The following RADX variants were observed in gnomAD, a reference collection of about 807,000 sequenced individuals.
RADX encodes RPA1 related single stranded DNA binding protein, X-linked, also known as RPA-related protein RADX.
A neutral mutation model predicts 61.6 loss-of-function variants in RADX; 36 were observed. The ratio of observed to expected loss-of-function variants is 0.58; its 90% CI spans 0.45 to 0.77. The LOEUF is 0.77. Ranked by LOEUF, RADX falls within the 30% of genes least tolerant of loss-of-function variation. The pLI, the probability that RADX is intolerant of heterozygous loss-of-function variation, is 0.00. For missense variants in RADX, 497 were observed against 651.1 expected (o/e 0.76, Z 2.58); for synonymous variants, 272 against 237.9 (o/e 1.14, Z -1.32).
intron 12 of RADX, among the ~76,000 whole-genome samples, 177 bp from the exon 13 acceptor site, chrX:106,668,986 A>G (rs774393108): frequency 4.5e-5 from 5 of 112,133 alleles, no homozygotes; most frequent in Non-Finnish European, 9.4e-5. Flanking sequence ...TACTCTTTCA[A>G]CAAATACCAT....
At chrX:106,669,944 T>C (rs757111085) in intron 13 of RADX, among the ~76,000 whole-genome samples, 27 of 111,978 alleles carry the variant, frequency 2.4e-4, no homozygotes, top group Admixed American at 1.6e-3. Context: ...TAATTCCTAA[T>C]CATGTGGTAA....
At chrX:106,662,368 C>T (rs1928122860) in intron 12 of RADX, 63 bp downstream of exon 12, 9 of 1,037,214 alleles carry the variant, frequency 8.7e-6, no homozygotes, top group Non-Finnish European at 9.0e-6. Context: ...CCTACTATTT[C>T]GCTTTAAAAA....
chrX:106,614,325 T>C (rs1926749048), intron 1 of RADX, among the ~76,000 whole-genome samples: 1 of 111,959 alleles, frequency 8.9e-6, no homozygotes. Context: ...TGAACACATC[T>C]CAGGCATCTT....
At chrX:106,673,455 G>C (rs745712621) in intron 13 of RADX, among the ~76,000 whole-genome samples, 1 of 110,195 alleles carries the variant, frequency 9.1e-6, no homozygotes. Flanking sequence ...ATGTCTTCAC[G>C]ACTGACTGGT....
intron 1 of RADX, among the ~76,000 whole-genome samples, chrX:106,613,964 C>A (rs1926740012): frequency 9.0e-6 from 1 of 111,714 alleles, no homozygotes; most frequent in African/African-American, 3.2e-5. Flanking sequence ...AATATCTATT[C>A]ATTCATTAAA....
At chrX:106,613,525 G>A (rs992722250) in intron 1 of RADX, among the ~76,000 whole-genome samples, 1 of 111,965 alleles carries the variant, frequency 8.9e-6, no homozygotes, top group Non-Finnish European at 1.9e-5. Flanking sequence ...AATAAAATAA[G>A]AGAAAGTACT....
At chrX:106,674,232 G>A (rs2147645777) in intron 13 of RADX, among the ~76,000 whole-genome samples, 1 of 111,127 alleles carries the variant, frequency 9.0e-6, no homozygotes, top group African/African-American at 3.3e-5. Context: ...ACGATTGGTG[G>A]AGCCTTCTAT....
chrX:106,676,789 C>T (rs1044168868), intron 13 of RADX, among the ~76,000 whole-genome samples: 2 of 111,759 alleles, frequency 1.8e-5, no homozygotes, highest in African/African-American at 6.5e-5. Flanking sequence ...CTGCCTTAGC[C>T]TTCACTTCCT....
chrX:106,636,419 T>A, intron 6 of RADX, 124 bp from the exon 7 acceptor site: 1 of 448,882 alleles, frequency 2.2e-6, no homozygotes, highest in Admixed American at 3.6e-5. Context: ...GAATTTGCAT[T>A]TTAACATTGG....
intron 11 of RADX, among the ~76,000 whole-genome samples, chrX:106,661,360 T>G (rs1209299325): frequency 4.4e-5 from 4 of 91,200 alleles, no homozygotes; most frequent in African/African-American, 6.9e-5. Context: ...TTTTGTTTTG[T>G]TTTTTTTTCT....
chrX:106,654,466 T>A (rs1184118896), intron 11 of RADX, among the ~76,000 whole-genome samples: 1 of 110,877 alleles, frequency 9.0e-6, no homozygotes, highest in African/African-American at 3.3e-5. Context: ...TCTACAACCA[T>A]CTGATCTTTG....
At chrX:106,623,677 T>C (rs1399378099) in intron 2 of RADX, among the ~76,000 whole-genome samples, 5 of 111,258 alleles carry the variant, frequency 4.5e-5, no homozygotes, top group South Asian at 3.8e-4. Context: ...TATGTGCATA[T>C]GTAGATGTAT....
intron 1 of RADX, among the ~76,000 whole-genome samples, 199 bp from the exon 2 acceptor site, chrX:106,622,452 G>A (rs1478118819): frequency 9.1e-6 from 1 of 110,422 alleles, no homozygotes; most frequent in Non-Finnish European, 1.9e-5. Context: ...CACATAGTAA[G>A]CCCTATATAT....
chrX:106,624,198 GATTT>G (rs1435434017), intron 2 of RADX, among the ~76,000 whole-genome samples: 2 of 111,718 alleles, frequency 1.8e-5, no homozygotes, highest in Non-Finnish European at 3.8e-5. Context: ...GCTTACCTCT[GATTT>G]AAGTCTTTCC....
At chrX:106,675,453 G>C (rs1251834771) in intron 13 of RADX, among the ~76,000 whole-genome samples, 1 of 112,471 alleles carries the variant, frequency 8.9e-6, no homozygotes, top group Non-Finnish European at 1.9e-5. Context: ...TGCCTAAGCA[G>C]GAAAAAATGG....
intron 11 of RADX, among the ~76,000 whole-genome samples, chrX:106,650,977 T>C (rs1927780708): frequency 9.0e-6 from 1 of 111,354 alleles, no homozygotes; most frequent in Admixed American, 9.6e-5. Context: ...GAAAGTCCAA[T>C]TTATATCTAA....
intron 7 of RADX, among the ~76,000 whole-genome samples, chrX:106,637,045 A>G (rs1927375851): frequency 8.9e-6 from 1 of 111,759 alleles, no homozygotes; most frequent in Non-Finnish European, 1.9e-5. Flanking sequence ...TTTAGCCCCA[A>G]GATCTTATGT....
rs186037538 is a variant in RADX at position 106,624,280 on chromosome X, C to T, written c.787-810C>T. 2.7e-3 allele frequency among the ~76,000 whole-genome samples: 296 copies of T among 111,285 alleles called. 4 individuals are homozygous for T. The highest frequency in any genetic ancestry group is 9.1e-3 in the African/African-American group (280 of 30,673). Reference sequence around the variant, plus strand: ...GCTACTCAGGACCCCACTATATGCCCTTACATAGGTCTATCAGAGCATGCA... The same window carrying T: ...GCTACTCAGGACCCCACTATATGCCTTTACATAGGTCTATCAGAGCATGCA... On this transcript the variant is annotated intron_variant, in intron 2 of 13. Coordinates refer to ENST00000372548, the MANE Select transcript of RADX (RefSeq NM_018015.6).
intron 10 of RADX, among the ~76,000 whole-genome samples, chrX:106,642,168 G>T (rs1927529525): frequency 9.0e-6 from 1 of 111,017 alleles, no homozygotes; most frequent in African/African-American, 3.3e-5. Flanking sequence ...TACATGAGAT[G>T]TTTTGATACA....
Sources: allele counts gnomAD v4.1 joint callset (sites outside exome capture counted in the v4.1 genomes callset), GRCh38; gene constraint gnomAD v4.1.1; transcripts MANE v1.5; gene names NCBI Gene and HGNC (gene_info 2026-07-23, HGNC 2026-07-21).